Variants in LOC400499 observed in about 807,000 individuals in gnomAD.
chr16:11,442,931 C>T, the LOC400499 span, among the ~76,000 whole-genome samples: 1 of 152,162 alleles, frequency 6.6e-6, no homozygotes, highest in African/African-American at 2.4e-5. Flanking sequence ...CACACGCAGC[C>T]TCGTTTAACT....
the LOC400499 span, among the ~76,000 whole-genome samples, chr16:11,384,657 G>A: frequency 2.0e-5 from 3 of 152,206 alleles, no homozygotes; most frequent in Admixed American, 6.5e-5. Context: ...CTGGAGCCGC[G>A]TGTCCCACGG....
chr16:11,437,009 G>T, the LOC400499 span, among the ~76,000 whole-genome samples: 5 of 152,202 alleles, frequency 3.3e-5, no homozygotes, highest in East Asian at 9.6e-4. Context: ...CTATTAAGCT[G>T]AAAAAGACAT....
chr16:11,398,338 G>T, the LOC400499 span: 2 of 1,232,286 alleles, frequency 1.6e-6, no homozygotes, highest in Non-Finnish European at 2.0e-6. Context: ...CTTCTGCAGG[G>T]CAGACTCACC....
At chr16:11,477,278 C>A in the LOC400499 span, among the ~76,000 whole-genome samples, 1 of 152,260 alleles carries the variant, frequency 6.6e-6, no homozygotes, top group Non-Finnish European at 1.5e-5. Flanking sequence ...CCTAGGGCAT[C>A]TGCATTCCCC....
chr16:11,433,427 A>G, the LOC400499 span, among the ~76,000 whole-genome samples: 42 of 152,252 alleles, frequency 2.8e-4, no homozygotes, highest in African/African-American at 7.7e-4. Context: ...TTTAGTGGAG[A>G]CCCAATTTGT....
At chr16:11,445,179 G>A in the LOC400499 span, among the ~76,000 whole-genome samples, 1 of 152,046 alleles carries the variant, frequency 6.6e-6, no homozygotes. Context: ...CCAGCACTTT[G>A]GGAGGCCAAG....
At chr16:11,463,574 G>A in the LOC400499 span, among the ~76,000 whole-genome samples, 992 of 152,280 alleles carry the variant, frequency 6.5e-3, 4 homozygotes, top group Middle Eastern at 0.017. Flanking sequence ...GTATGTATAC[G>A]GATGTGTAAA....
chr16:11,508,352 G>A, the LOC400499 span, among the ~76,000 whole-genome samples: 2 of 152,208 alleles, frequency 1.3e-5, no homozygotes, highest in Non-Finnish European at 2.9e-5. Flanking sequence ...GGAGGCCTGG[G>A]CCATGTGTTT....
chr16:11,379,697 C>T, the LOC400499 span, among the ~76,000 whole-genome samples: 4 of 152,216 alleles, frequency 2.6e-5, no homozygotes, highest in Admixed American at 6.5e-5. Flanking sequence ...CCTGGTGCCA[C>T]GCTGTTGATT....
At chr16:11,411,792 T>C in the LOC400499 span, among the ~76,000 whole-genome samples, 1 of 151,850 alleles carries the variant, frequency 6.6e-6, no homozygotes, top group Non-Finnish European at 1.5e-5. Context: ...CCTCCTCACA[T>C]AGCACCCCTC....
chr16:11,469,830 C>T, the LOC400499 span, among the ~76,000 whole-genome samples: 387 of 152,320 alleles, frequency 2.5e-3, 2 homozygotes, highest in Non-Finnish European at 3.8e-3. Context: ...TCCACAGGGT[C>T]GCAATTTATT....
chr16:11,459,541 T>A, the LOC400499 span, among the ~76,000 whole-genome samples: 1 of 152,162 alleles, frequency 6.6e-6, no homozygotes, highest in Non-Finnish European at 1.5e-5. Context: ...ATGTGTGCTG[T>A]GTAAGAACCA....
At chr16:11,525,763 G>C in the LOC400499 span, among the ~76,000 whole-genome samples, 157 of 152,256 alleles carry the variant, frequency 1.0e-3, no homozygotes, top group Admixed American at 1.8e-3. Flanking sequence ...CATTGTGCTT[G>C]AATTAAGCCT....
the LOC400499 span, among the ~76,000 whole-genome samples, chr16:11,481,625 ATTTTATT>A: frequency 6.7e-6 from 1 of 150,086 alleles, no homozygotes; most frequent in Non-Finnish European, 1.5e-5. Context: ...GCCCAGCCCT[ATTTTATT>A]TTTTATTTTT....
the LOC400499 span, among the ~76,000 whole-genome samples, chr16:11,432,299 G>A: frequency 6.6e-6 from 1 of 152,196 alleles, no homozygotes; most frequent in Non-Finnish European, 1.5e-5. Context: ...AAACAAAATG[G>A]TTGTTCTTTA....
the LOC400499 span, among the ~76,000 whole-genome samples, chr16:11,478,974 G>C: frequency 2.0e-5 from 3 of 152,124 alleles, no homozygotes; most frequent in Non-Finnish European, 4.4e-5. Context: ...TCCTCTCCTT[G>C]CCTTCCACCA....
the LOC400499 span, among the ~76,000 whole-genome samples, chr16:11,379,961 G>GTATATCTATTT: frequency 6.6e-6 from 1 of 152,054 alleles, no homozygotes; most frequent in Non-Finnish European, 1.5e-5. Context: ...ATATCACAAA[G>GTATATCTATTT]TATATCTATT....
the LOC400499 span, among the ~76,000 whole-genome samples, chr16:11,421,655 C>T: frequency 3.3e-5 from 5 of 152,280 alleles, no homozygotes; most frequent in African/African-American, 4.8e-5. Flanking sequence ...CCGCCCACCT[C>T]GGCCTCCCAA....
At chr16:11,393,477 C>T in the LOC400499 span, 2 of 1,232,332 alleles carry the variant, frequency 1.6e-6, no homozygotes, top group African/African-American at 1.5e-5. Flanking sequence ...GTCCACGCTT[C>T]CCTCCAACCG....
Sources: gnomAD v4.1 joint callset for allele counts (sites outside exome capture counted in the v4.1 genomes callset) on GRCh38, gnomAD v4.1.1 for gene constraint, MANE v1.5 for transcripts.